The following PRR5L variants were observed in gnomAD, a reference collection of about 807,000 sequenced individuals.
PRR5L encodes the protein proline-rich protein 5-like.
Under a neutral mutation model 36.4 loss-of-function variants are expected in PRR5L, and 21 were observed. The observed-to-expected ratio is 0.58, with a 90% CI of 0.41 to 0.83. The LOEUF (loss-of-function observed/expected upper bound fraction) is 0.83. Among genes scored for constraint, PRR5L ranks in the 40% least tolerant of loss-of-function variants. PRR5L has a pLI of 0.00. For synonymous variants in PRR5L, 188 were observed against 197.0 expected, an observed-to-expected ratio of 0.95 and a Z score of 0.38; for missense variants, 381 against 473.3, an observed-to-expected ratio of 0.80 and a Z score of 1.81.
Position 36,463,711 on chromosome 11 carries a change from C to G in PRR5L, c.*975C>G, listed in dbSNP as rs1289292066. 6.6e-6 allele frequency: 1 copy of G among 152,260 alleles called. No homozygotes were observed. The highest frequency in any genetic ancestry group is 2.4e-5 in the African/African-American group (1 of 41,324). The allele number at this position is 152,260 out of a possible 1,614,324, so 9.4% of individuals were successfully genotyped here. A position where few individuals can be genotyped will look rare whatever the true frequency, so the allele number is the denominator to read the frequency against. Reference sequence around the variant, plus strand: ...ACTGTTCATTTTCAGTGGGGTGAGTCTTCACACTAAAAACACAAGCAGAGC... The same window carrying G: ...ACTGTTCATTTTCAGTGGGGTGAGTGTTCACACTAAAAACACAAGCAGAGC... On this transcript the variant is annotated 3_prime_UTR_variant, in exon 9 of 9. Coordinates refer to ENST00000530639, the MANE Select transcript of PRR5L (RefSeq NM_001160167.2).
chr11:36,327,379 C>G (rs1329014773), intron 1 of PRR5L, among the ~76,000 whole-genome samples: 1 of 152,094 alleles, frequency 6.6e-6, no homozygotes, highest in Non-Finnish European at 1.5e-5. Flanking sequence ...AACAGAGATC[C>G]TAAGACTGAC....
intron 1 of PRR5L, among the ~76,000 whole-genome samples, chr11:36,385,670 A>G (rs1457828669): frequency 1.3e-5 from 2 of 152,244 alleles, no homozygotes; most frequent in East Asian, 3.8e-4. Flanking sequence ...CATAGTTCAC[A>G]GTTGACCCTT....
chr11:36,351,352 A>G (rs1176229734), intron 1 of PRR5L, among the ~76,000 whole-genome samples: 1 of 84,124 alleles, frequency 1.2e-5, no homozygotes, highest in South Asian at 3.9e-4. Flanking sequence ...AATATATAAT[A>G]AATATATATA....
chr11:36,451,153 T>G, intron 7 of PRR5L, 56 bp from the exon 8 acceptor site: 1 of 1,599,184 alleles, frequency 6.3e-7, no homozygotes, highest in Non-Finnish European at 8.5e-7. Context: ...AGTGAGAACC[T>G]GCTGGTCATG....
intron 1 of PRR5L, among the ~76,000 whole-genome samples, chr11:36,365,210 A>C (rs1857131971): frequency 6.6e-6 from 1 of 152,116 alleles, no homozygotes; most frequent in South Asian, 2.1e-4. Context: ...ATGATCGTTC[A>C]AGTTTACTTG....
intron 1 of PRR5L, 40 bp downstream of exon 1, chr11:36,296,478 T>G (rs1590416538): frequency 6.6e-6 from 1 of 151,010 alleles, no homozygotes; most frequent in African/African-American, 2.4e-5. Flanking sequence ...GGCTAGGGGG[T>G]GGGGTTGCAG....
chr11:36,450,701 C>T (rs1226645500), intron 7 of PRR5L, among the ~76,000 whole-genome samples: 5 of 152,206 alleles, frequency 3.3e-5, no homozygotes, highest in Non-Finnish European at 7.3e-5. Flanking sequence ...GCCAGATAGC[C>T]TGGGTTCCAG....
intron 1 of PRR5L, among the ~76,000 whole-genome samples, chr11:36,395,772 A>T (rs1590530098): frequency 1.3e-5 from 2 of 152,038 alleles, no homozygotes; most frequent in Non-Finnish European, 2.9e-5. Flanking sequence ...CCTAGGGTGG[A>T]GTGCAGTGAC....
rs1164744801 is a variant in PRR5L at position 36,376,214 on chromosome 11, G to A, written c.-125-24783G>A. On this transcript the variant is annotated intron_variant, in intron 1 of 8. Coordinates refer to ENST00000530639, the MANE Select transcript of PRR5L (RefSeq NM_001160167.2). ...CCAGCAGGGTGAGAGTTGCTGAAGG[G>A]GAGGAGGAGTGAGATGGGGTGAAGT... 3.1e-6 allele frequency: 4 copies of A among 1,294,318 alleles called. No homozygotes were observed. The East Asian group carries it at 2.2e-4, about 72-fold the overall frequency. 80.2% of individuals were successfully genotyped at this position (1,294,318 alleles called of 1,614,324 possible).
chr11:36,317,793 C>A (rs1856572771), intron 1 of PRR5L, among the ~76,000 whole-genome samples: 1 of 152,158 alleles, frequency 6.6e-6, no homozygotes, highest in African/African-American at 2.4e-5. Context: ...AGTGTGTGCA[C>A]TTTTTCATAT....
intron 1 of PRR5L, among the ~76,000 whole-genome samples, chr11:36,351,555 T>TTATATATTTATATAAA (rs1856960142): frequency 2.2e-3 from 6 of 2,692 alleles, no homozygotes; most frequent in African/African-American, 8.5e-3. Context: ...TTATATATAT[T>TTATATATTTATATAAA]TATATATTTA....
chr11:36,431,957 C>T, intron 5 of PRR5L, 47 bp downstream of exon 5: 3 of 1,516,044 alleles, frequency 2.0e-6, no homozygotes, highest in Non-Finnish European at 2.7e-6. Context: ...GTGACTCAGT[C>T]TTTGATGTCT....
intron 8 of PRR5L, among the ~76,000 whole-genome samples, chr11:36,459,049 C>T (rs1478087045): frequency 1.3e-5 from 2 of 152,194 alleles, no homozygotes. Flanking sequence ...AGGCCCAGAA[C>T]AGAATCCACC....
At chr11:36,460,466 T>C (rs1446027519) in intron 8 of PRR5L, among the ~76,000 whole-genome samples, 1 of 152,098 alleles carries the variant, frequency 6.6e-6, no homozygotes, top group Non-Finnish European at 1.5e-5. Context: ...GATCTCTTAG[T>C]TGTGGGGTTC....
intron 4 of PRR5L, among the ~76,000 whole-genome samples, chr11:36,422,276 A>G (rs143541177): frequency 3.9e-5 from 6 of 152,304 alleles, no homozygotes; most frequent in African/African-American, 1.4e-4. Context: ...TTCACATTTG[A>G]CTGTCAGATG....
intron 3 of PRR5L, among the ~76,000 whole-genome samples, chr11:36,417,447 C>T (rs10836555): frequency 0.39 from 58,524 of 151,960 alleles, 11,579 homozygotes; most frequent in East Asian, 0.65. Context: ...ATGCCCAACC[C>T]GCTCTTAGTC....
At chr11:36,305,853 C>T (rs535097956) in intron 1 of PRR5L, among the ~76,000 whole-genome samples, 5 of 152,210 alleles carry the variant, frequency 3.3e-5, no homozygotes, top group East Asian at 1.9e-4. Context: ...CAGTTTATGG[C>T]GTTTTGTTAT....
intron 1 of PRR5L, among the ~76,000 whole-genome samples, chr11:36,324,616 C>T (rs1399598334): frequency 6.6e-6 from 1 of 152,086 alleles, no homozygotes; most frequent in East Asian, 1.9e-4. Context: ...AAAAAATAGT[C>T]ATTGCCAAAA....
chr11:36,361,252 A>T (rs1432181060), intron 1 of PRR5L, among the ~76,000 whole-genome samples: 1 of 152,212 alleles, frequency 6.6e-6, no homozygotes. Flanking sequence ...TGCACAGCAG[A>T]TACGAGAATC....
Sources: allele counts gnomAD v4.1 joint callset (sites outside exome capture counted in the v4.1 genomes callset), GRCh38; gene constraint gnomAD v4.1.1; transcripts MANE v1.5; gene names NCBI Gene and HGNC (gene_info 2026-07-23, HGNC 2026-07-21).